Variants in UNC13C observed in about 807,000 individuals in gnomAD.
The protein encoded by UNC13C is protein unc-13 homolog C.
Under a neutral mutation model 245.4 loss-of-function variants are expected in UNC13C, and 174 were observed. The observed-to-expected ratio is 0.71, with a 90% confidence interval of 0.63 to 0.80. The LOEUF (loss-of-function observed/expected upper bound fraction) is 0.80, where lower values mean the gene tolerates loss of function less well. UNC13C is among the 30% of genes least tolerant of loss of function. The pLI is 0.00. For missense variants in UNC13C, 2,829 were observed against 2,602.9 expected, an observed-to-expected ratio of 1.09 and a Z score of -1.89; for synonymous variants, 992 against 895.1, an observed-to-expected ratio of 1.11 and a Z score of -1.93.
chr15:54,466,144 C>T, intron 19 of UNC13C, among the ~76,000 whole-genome samples: 1 of 151,812 alleles, frequency 6.6e-6, no homozygotes, highest in African/African-American at 2.4e-5. Context: ...AAGAATTGAT[C>T]TCATGGAGGT....
chr15:54,026,792 A>C (rs533830666), intron 2 of UNC13C, among the ~76,000 whole-genome samples: 1 of 152,278 alleles, frequency 6.6e-6, no homozygotes, highest in South Asian at 2.1e-4. Context: ...TTATTCTTTC[A>C]GTCATTAATT....
intron 10 of UNC13C, among the ~76,000 whole-genome samples, chr15:54,286,222 A>G (rs998490924): frequency 6.6e-6 from 1 of 152,236 alleles, no homozygotes; most frequent in African/African-American, 2.4e-5. Context: ...AAAAGCTGGT[A>G]CAATACTATT....
Position 54,499,692 on chromosome 15 carries a change from G to A in UNC13C, c.5061-387G>A, listed in dbSNP as rs118128560. ...TAAGGAGTCTGAGGTAAGCACCCAC[G>A]ATCGGTTACAGATTAGTGTGAATGG... On this transcript the variant is annotated intron_variant, in intron 20 of 32. Coordinates refer to ENST00000260323, the MANE Select transcript of UNC13C (RefSeq NM_001080534.3). Among the ~76,000 whole-genome samples, 856 of 152,242 alleles carry A rather than the reference G, an allele frequency of 5.6e-3. 4 individuals carry two copies. The highest frequency in any genetic ancestry group is 0.01 in the Non-Finnish European group (710 of 68,006).
At chr15:54,445,069 AT>A (rs1003512409) in intron 19 of UNC13C, among the ~76,000 whole-genome samples, 2 of 144,270 alleles carry the variant, frequency 1.4e-5, no homozygotes, top group African/African-American at 5.1e-5. Context: ...TGCAGTGTTT[AT>A]TTTTTTGTCC....
At chr15:54,280,911 C>A (rs1052630783) in intron 10 of UNC13C, among the ~76,000 whole-genome samples, 7 of 151,784 alleles carry the variant, frequency 4.6e-5, no homozygotes, top group Admixed American at 1.3e-4. Flanking sequence ...GATTTTCCTG[C>A]CTCAGGCTCC....
intron 1 of UNC13C, among the ~76,000 whole-genome samples, chr15:53,980,483 T>G (rs1893883178): frequency 6.6e-6 from 1 of 152,206 alleles, no homozygotes; most frequent in South Asian, 2.1e-4. Flanking sequence ...CTGAATCCAT[T>G]AAGTAATTTT....
chr15:54,612,304 A>G lies in UNC13C; in HGVS notation c.6107-10023A>G, dbSNP rs966716049. On this transcript the variant is annotated intron_variant, in intron 30 of 32. Coordinates refer to ENST00000260323, the MANE Select transcript of UNC13C (RefSeq NM_001080534.3). The stretch of plus-strand genomic sequence containing the variant: ...AATGCTAGATACCTTAAAGGTGTGG[A>G]AAGGTTACACATTTTCCACATGAAC... Among the ~76,000 whole-genome samples, 9 of 151,970 alleles carry G rather than the reference A, an allele frequency of 5.9e-5. No individual in the cohort carries two copies. The South Asian group carries it at 1.9e-3, about 32-fold the overall frequency.
rs139371397 is a variant in UNC13C, at chr15:54,202,651, T to C, written c.3072-32379T>C. ...GAAACTGGGTCCTTATCTCTCACCC[T>C]ATATGAGAATGAACTGAAGATGGAT... On this transcript the variant is annotated intron_variant, in intron 4 of 32. Coordinates refer to ENST00000260323, the MANE Select transcript of UNC13C (RefSeq NM_001080534.3). Among the ~76,000 whole-genome samples the C allele has an allele frequency of 4.2e-3, 640 of 152,148 alleles. 8 individuals are homozygous for C. The highest frequency in any genetic ancestry group is 0.015 in the African/African-American group (622 of 41,558).
chr15:54,082,395 A>G (rs1898995382), intron 2 of UNC13C, among the ~76,000 whole-genome samples: 1 of 152,130 alleles, frequency 6.6e-6, no homozygotes, highest in South Asian at 2.1e-4. Context: ...CTTCTCTATC[A>G]TAATGCCGAT....
chr15:53,954,477 TA>T, the UNC13C span, among the ~76,000 whole-genome samples: 1 of 152,222 alleles, frequency 6.6e-6, no homozygotes, highest in African/African-American at 2.4e-5. Context: ...AAAAGTGTTT[TA>T]CACAAAGTTA....
At chr15:53,854,196 C>T in the UNC13C span, among the ~76,000 whole-genome samples, 1 of 146,186 alleles carries the variant, frequency 6.8e-6, no homozygotes, top group African/African-American at 2.5e-5. Context: ...TCTTGGCTCA[C>T]TGCAACTTCT....
intron 19 of UNC13C, among the ~76,000 whole-genome samples, chr15:54,475,365 G>C (rs187018480): frequency 6.6e-6 from 1 of 151,022 alleles, no homozygotes; most frequent in Admixed American, 6.6e-5. Context: ...GTGCAGGTTA[G>C]TTACATATGT....
intron 4 of UNC13C, among the ~76,000 whole-genome samples, chr15:54,209,561 G>A (rs1269528636): frequency 6.6e-6 from 1 of 151,858 alleles, no homozygotes; most frequent in Admixed American, 6.6e-5. Context: ...ACAGGCACAG[G>A]CCACCATCTC....
chr15:54,525,108 A>C (rs1436810359), intron 24 of UNC13C, among the ~76,000 whole-genome samples: 3 of 152,202 alleles, frequency 2.0e-5, no homozygotes, highest in Admixed American at 1.3e-4. Flanking sequence ...AATATTCAAA[A>C]GTTAATTTTT....
chr15:54,597,774 G>A (rs946039189), intron 30 of UNC13C, among the ~76,000 whole-genome samples: 22 of 152,222 alleles, frequency 1.4e-4, no homozygotes, highest in African/African-American at 5.3e-4. Flanking sequence ...AGGTGTTAAA[G>A]CAATCACATT....
At chr15:54,147,804 G>GTGTGTGTGTGTGTGTGTA (rs1410238426) in intron 4 of UNC13C, among the ~76,000 whole-genome samples, 5 of 151,888 alleles carry the variant, frequency 3.3e-5, no homozygotes, top group African/African-American at 1.2e-4. Context: ...GTGTGTGTGT[G>GTGTGTGTGTGTGTGTGTA]TGTGTGTATG....
At chr15:54,227,894 A>G (rs1375747488) in intron 4 of UNC13C, among the ~76,000 whole-genome samples, 2 of 152,228 alleles carry the variant, frequency 1.3e-5, no homozygotes, top group Non-Finnish European at 2.9e-5. Flanking sequence ...CTCCACAATA[A>G]GCAGGTGGTA....
chr15:54,104,046 C>T (rs980414236), intron 2 of UNC13C, among the ~76,000 whole-genome samples: 1 of 152,192 alleles, frequency 6.6e-6, no homozygotes, highest in African/African-American at 2.4e-5. Flanking sequence ...CCCGGCCACA[C>T]GTAGACCTGT....
At chr15:54,432,217 A>G (rs934551079) in intron 19 of UNC13C, among the ~76,000 whole-genome samples, 42 of 151,506 alleles carry the variant, frequency 2.8e-4, no homozygotes, top group African/African-American at 9.9e-4. Flanking sequence ...TCAGGGAGAT[A>G]GGTATTTAAC....
Sources: allele counts gnomAD v4.1 joint callset (sites outside exome capture counted in the v4.1 genomes callset), GRCh38; gene constraint gnomAD v4.1.1; transcripts MANE v1.5; gene names NCBI Gene and HGNC (gene_info 2026-07-23, HGNC 2026-07-21).